Variants in SYTL2 observed in about 807,000 individuals in gnomAD.
The protein encoded by SYTL2 is synaptotagmin like 2.
SYTL2 carries 165 observed loss-of-function variants against 198.7 expected under a neutral mutation model. The ratio of observed to expected loss-of-function variants is 0.83; its 90% CI spans 0.73 to 0.94. The LOEUF is 0.94. Among genes scored for constraint, SYTL2 ranks in the 40% least tolerant of loss-of-function variants. The probability of loss-of-function intolerance (pLI) is 0.00; values close to 1 mark genes in which losing one functional copy is unlikely to be tolerated. For synonymous variants in SYTL2, 966 were observed against 917.7 expected, an observed-to-expected ratio of 1.05 and a Z score of -0.95; for missense variants, 2,835 against 2,582.8, an observed-to-expected ratio of 1.10 and a Z score of -2.12.
intron 1 of SYTL2, among the ~76,000 whole-genome samples, chr11:85,780,492 C>T (rs1468330171): frequency 1.3e-5 from 2 of 152,182 alleles, no homozygotes; most frequent in African/African-American, 4.8e-5. Context: ...CCTGCCAGCA[C>T]AAAGGTTAAG....
chr11:85,793,503 T>C (rs2092760954), intron 1 of SYTL2, among the ~76,000 whole-genome samples: 1 of 152,238 alleles, frequency 6.6e-6, no homozygotes, highest in Non-Finnish European at 1.5e-5. Context: ...AGATGAACAG[T>C]TTTCTTTTTC....
At chr11:85,797,574 G>A (rs887168623) in intron 1 of SYTL2, among the ~76,000 whole-genome samples, 4 of 150,968 alleles carry the variant, frequency 2.6e-5, no homozygotes, top group African/African-American at 4.9e-5. Flanking sequence ...ATTGCAGTGA[G>A]CTGAGATCAG....
chr11:85,852,227 C>T, the SYTL2 span, among the ~76,000 whole-genome samples: 2,080 of 152,226 alleles, frequency 0.014, 21 homozygotes, highest in African/African-American at 0.029. Flanking sequence ...AGGTGACTTA[C>T]GAAGGGAGCA....
chr11:85,828,456 G>A, the SYTL2 span, among the ~76,000 whole-genome samples: 4 of 152,270 alleles, frequency 2.6e-5, no homozygotes, highest in East Asian at 3.9e-4. Flanking sequence ...ACTCATCATA[G>A]TAAACAGGTT....
intron 8 of SYTL2, among the ~76,000 whole-genome samples, chr11:85,723,073 T>C (rs1377511080): frequency 6.6e-6 from 1 of 152,212 alleles, no homozygotes; most frequent in Non-Finnish European, 1.5e-5. Flanking sequence ...AAAAACATTC[T>C]CTATCATTTC....
chr11:85,790,532 T>A (rs1336949427), intron 1 of SYTL2, among the ~76,000 whole-genome samples: 1 of 152,222 alleles, frequency 6.6e-6, no homozygotes, highest in Admixed American at 6.5e-5. Context: ...AGAAGTATAA[T>A]TTATTTGTTC....
chr11:85,851,184 AAAG>A, the SYTL2 span, among the ~76,000 whole-genome samples: 1 of 152,248 alleles, frequency 6.6e-6, no homozygotes, highest in Non-Finnish European at 1.5e-5. Flanking sequence ...AATAAAAAAA[AAAG>A]AGAATATTTT....
At chr11:85,722,770 G>A (rs1400212396) in intron 8 of SYTL2, among the ~76,000 whole-genome samples, 3 of 151,940 alleles carry the variant, frequency 2.0e-5, no homozygotes, top group Non-Finnish European at 4.4e-5. Context: ...AAATAAATAT[G>A]TATGGTTTTA....
chr11:85,829,107 G>A, the SYTL2 span, among the ~76,000 whole-genome samples: 4 of 151,850 alleles, frequency 2.6e-5, no homozygotes, highest in Non-Finnish European at 2.9e-5. Context: ...TATAGATTAA[G>A]GGGTAAATGT....
chr11:85,730,578 T>C (rs2089702926), intron 7 of SYTL2, among the ~76,000 whole-genome samples: 1 of 152,178 alleles, frequency 6.6e-6, no homozygotes, highest in Non-Finnish European at 1.5e-5. Context: ...AAACTAGGTA[T>C]TGATGGAACG....
upstream of SYTL2, among the ~76,000 whole-genome samples, chr11:85,813,434 G>T (rs2093057518): frequency 6.6e-6 from 1 of 152,130 alleles, no homozygotes; most frequent in Non-Finnish European, 1.5e-5. Context: ...TGGTTAACAC[G>T]ATCATATCAA....
At chr11:85,765,915 G>A (rs1337359137) in intron 1 of SYTL2, among the ~76,000 whole-genome samples, 2 of 152,136 alleles carry the variant, frequency 1.3e-5, no homozygotes, top group African/African-American at 2.4e-5. Context: ...CCAACCAAGC[G>A]CAAGATAATG....
chr11:85,784,532 G>A (rs988243575), intron 1 of SYTL2, among the ~76,000 whole-genome samples: 6 of 152,070 alleles, frequency 3.9e-5, no homozygotes, highest in Non-Finnish European at 8.8e-5. Context: ...AAAAACAAGT[G>A]GAAGTAAACA....
chr11:85,727,513 G>T lies in SYTL2; in HGVS notation c.1845C>A (p.Phe615Leu). Residue 615 changes from phenylalanine to leucine, a missense_variant, in exon 8 of 20, where the codon TTC (phenylalanine) becomes TTA (leucine). Phe to Leu is a conservative substitution (Grantham distance 22). This residue lies in a region of SYTL2 where 2,645 missense variants were observed against 2,381.7 expected (regional missense o/e 1.11). Transcript: ENST00000359152. ...GGGTGCCTTTTTGGGACAAATTCAT[G>T]AATTTGGATTTGATATTCACATTAT... ...QDNNVNIKSKFMNLSQKGTPK... is the reference protein window; with the variant it reads ...QDNNVNIKSKLMNLSQKGTPK... 1 of 1,536,058 alleles carries T rather than the reference G, an allele frequency of 6.5e-7. No homozygotes were observed. Among genetic ancestry groups the T allele is most frequent in the Non-Finnish European group, 8.7e-7 (1 of 1,146,902 alleles).
chr11:85,745,190 TC>T (rs2091067970), intron 4 of SYTL2, among the ~76,000 whole-genome samples: 1 of 152,192 alleles, frequency 6.6e-6, no homozygotes, highest in African/African-American at 2.4e-5. Flanking sequence ...GGCTAATAAA[TC>T]GCAGATTCGG....
intron 17 of SYTL2, among the ~76,000 whole-genome samples, chr11:85,698,509 T>C (rs2083749358): frequency 6.6e-6 from 1 of 152,198 alleles, no homozygotes; most frequent in South Asian, 2.1e-4. Flanking sequence ...AAAACAGGTA[T>C]TGGCTAAGGT....
rs1285368427 is a variant in SYTL2 at position 85,725,244 on chromosome 11, C to A, written c.4114G>T (p.Ala1372Ser). 6.2e-7 allele frequency: 1 copy of A among 1,614,184 alleles called. No homozygotes were observed. The highest frequency in any genetic ancestry group is 1.7e-5 in the Admixed American group (1 of 60,022). Residue 1372 changes from alanine to serine, a missense_variant, in exon 8 of 20, where the codon GCT (alanine) becomes TCT (serine). This residue lies in a region of SYTL2 where 2,645 missense variants were observed against 2,381.7 expected (regional missense o/e 1.11). Coordinates refer to ENST00000359152, the MANE Select transcript of SYTL2 (RefSeq NM_206927.4). ...PPRPVLNDVSAALQKLCGEVW... is the reference protein window; with the variant it reads ...PPRPVLNDVSSALQKLCGEVW... ...TCTCCACACAGCTTCTGTAATGCAG[C>A]ACTTACATCATTCAATACAGGTCTG... is the stretch of plus-strand genomic sequence containing the variant.
At chr11:85,853,774 C>T in the SYTL2 span, 1 of 151,656 alleles carries the variant, frequency 6.6e-6, no homozygotes, top group African/African-American at 2.4e-5. Context: ...ACTAATTCTC[C>T]AAAGCAAAAA....
At position 85,724,600 on chromosome 11, in the gene SYTL2, T is replaced by C. The variant is rs114096078; in HGVS notation, c.4758A>G (p.Ser1586=). The C allele has an allele frequency of 3.6e-4, 577 of 1,613,060 alleles. 4 individuals are homozygous for C. In the African/African-American group the frequency reaches 6.9e-3, roughly 19 times the overall value. ...CCTTCTCGTGAGTTTCTTCTCTCAC[T>C]GACACCTGGGGCTGATAAGGAGGAG... is the stretch of plus-strand genomic sequence containing the variant. ...TEAPPYQPQV[S]VREETHEKES... Residue 1586 remains serine, a synonymous_variant, in exon 8 of 20, where the codon TCA becomes TCG. Coordinates refer to ENST00000359152, the MANE Select transcript of SYTL2 (RefSeq NM_206927.4).
Sources: allele counts gnomAD v4.1 joint callset (sites outside exome capture counted in the v4.1 genomes callset), GRCh38; gene constraint gnomAD v4.1.1; regional missense constraint gnomAD v4.1.1; transcripts MANE v1.5; gene names NCBI Gene and HGNC (gene_info 2026-07-23, HGNC 2026-07-21).